Variants in CEP162 observed in about 807,000 individuals in gnomAD.
The protein encoded by CEP162 is centrosomal protein 162.
Under a neutral mutation model 169.2 loss-of-function variants are expected in CEP162, and 141 were observed. The observed-to-expected ratio is 0.83, with a 90% CI of 0.73 to 0.96. CEP162 has a LOEUF of 0.96. CEP162 is among the 40% of genes least tolerant of loss of function. CEP162 has a pLI of 0.00. For synonymous variants in CEP162, 540 were observed against 526.4 expected, an observed-to-expected ratio of 1.03 and a Z score of -0.35; for missense variants, 1,600 against 1,587.2, an observed-to-expected ratio of 1.01 and a Z score of -0.14.
At chr6:84,225,628 A>G (rs2099555408) in intron 2 of CEP162, among the ~76,000 whole-genome samples, 1 of 152,184 alleles carries the variant, frequency 6.6e-6, no homozygotes, top group Non-Finnish European at 1.5e-5. Context: ...ATATAATAGC[A>G]ATGAACGTAG....
In CEP162 at chr6:84,149,681, G is replaced by C; in HGVS notation, c.3652C>G (p.His1218Asp). 6.4e-7 allele frequency: 1 copy of C among 1,565,730 alleles called. No individual in the cohort carries two copies. The highest frequency in any genetic ancestry group is 8.7e-7 in the Non-Finnish European group (1 of 1,155,076). The change falls in exon 24 of 27, where the codon CAC (histidine) becomes GAC (aspartate). Residue 1218 changes from histidine (H) to aspartate (D), a missense_variant. By Grantham distance (81) the His-to-Asp change is moderately conservative. Transcript: ENST00000403245. The part of the protein sequence containing the change: ...MRRVKEDTAA[H>D]IASLKASHQR... ...TGAGATGCTTTGAGGGATGCAATGT[G>C]TGCTGCAGTATCTTCCTTGACCCTA...
intron 21 of CEP162, among the ~76,000 whole-genome samples, chr6:84,156,779 C>A (rs2099523396): frequency 6.6e-6 from 1 of 151,826 alleles, no homozygotes; most frequent in Non-Finnish European, 1.5e-5. Flanking sequence ...CACAAACACA[C>A]TATTCATCCA....
At chr6:84,135,646 T>G (rs747760137) in intron 25 of CEP162, among the ~76,000 whole-genome samples, 25 of 152,172 alleles carry the variant, frequency 1.6e-4, no homozygotes, top group Non-Finnish European at 2.9e-4. Flanking sequence ...GTGAATCACT[T>G]GAGGTCAGGG....
At chr6:84,169,492 A>G in intron 17 of CEP162, 59 bp from the exon 18 acceptor site, 1 of 960,036 alleles carries the variant, frequency 1.0e-6, no homozygotes, top group Non-Finnish European at 1.5e-6. Context: ...TCCTTTCAGT[A>G]GAAAATATTC....
At chr6:84,149,800 GCAAGGGGAAAATGGGCAC>G (rs2099520430) in intron 23 of CEP162, 97 bp from the exon 24 acceptor site, 1 of 1,065,750 alleles carries the variant, frequency 9.4e-7, no homozygotes, top group South Asian at 2.6e-5. Flanking sequence ...TGGGAATTAA[GCAAGGGGAAAATGGGCAC>G]CAATATTAAC....
At chr6:84,191,274 A>C (rs373873503) in intron 11 of CEP162, among the ~76,000 whole-genome samples, 2 of 152,216 alleles carry the variant, frequency 1.3e-5, no homozygotes, top group East Asian at 1.9e-4. Flanking sequence ...CCCTCAACCT[A>C]AAATTCACTT....
chr6:84,180,147 T>C (rs954352646), intron 13 of CEP162, among the ~76,000 whole-genome samples: 5 of 152,114 alleles, frequency 3.3e-5, no homozygotes, highest in Non-Finnish European at 5.9e-5. Context: ...TTATCCACCA[T>C]GATCAGGTGG....
intron 11 of CEP162, among the ~76,000 whole-genome samples, chr6:84,190,251 G>A (rs1016857855): frequency 1.6e-4 from 25 of 152,040 alleles, no homozygotes; most frequent in Non-Finnish European, 3.4e-4. Context: ...TAATCTGATG[G>A]GGACGTGGAG....
At position 84,185,324 on chromosome 6, in the gene CEP162, G is replaced by A; in HGVS notation, c.1526C>T (p.Ser509Leu). ...KRKPQSGLYA[S>L]VRSSGYGKPS... ...TTTGCCATAGCCTGAGCTCCTAACT[G>A]ACGCATATAATCCACTCTGGGGTTT... The change falls in exon 13 of 27, where the codon TCA becomes TTA. Residue 509 changes from serine to leucine, a missense_variant. Transcript: ENST00000403245. 6.2e-7 allele frequency: 1 copy of A among 1,613,660 alleles called. No homozygotes were observed.
chr6:84,133,841 G>A (rs528816445), intron 25 of CEP162, among the ~76,000 whole-genome samples: 7 of 152,124 alleles, frequency 4.6e-5, no homozygotes, highest in Admixed American at 6.5e-5. Flanking sequence ...GCCCTGCTTC[G>A]GCTCACACTC....
chr6:84,157,736 T>C (rs1030627957), intron 21 of CEP162, among the ~76,000 whole-genome samples: 5 of 152,170 alleles, frequency 3.3e-5, no homozygotes, highest in African/African-American at 1.2e-4. Flanking sequence ...CAAAGCTCTC[T>C]CCTCTTTTTT....
chr6:84,152,444 G>T lies in CEP162; in HGVS notation c.3629+101C>A, dbSNP rs1035582323. 5 of 601,700 alleles carry T rather than the reference G, an allele frequency of 8.3e-6. No individual in the cohort carries two copies. In the Admixed American group the frequency reaches 1.8e-4, roughly 22 times the overall value. 37.3% of individuals were successfully genotyped at this position (601,700 alleles called of 1,614,324 possible). On this transcript the variant is annotated intron_variant, in intron 23 of 26. Coordinates refer to ENST00000403245, the MANE Select transcript of CEP162 (RefSeq NM_014895.4). ...TTATTAATATTCACTTATGAATTCA[G>T]TTCGGGGTCAAACTAATTATCTGGA...
At chr6:84,131,169 G>A (rs2099511222) in intron 25 of CEP162, among the ~76,000 whole-genome samples, 1 of 152,184 alleles carries the variant, frequency 6.6e-6, no homozygotes, top group South Asian at 2.1e-4. Flanking sequence ...GCAGTTTTGA[G>A]TGAGTTTTTT....
chr6:84,218,595 A>G (rs752445868), intron 3 of CEP162, among the ~76,000 whole-genome samples: 1 of 152,194 alleles, frequency 6.6e-6, no homozygotes, highest in Non-Finnish European at 1.5e-5. Flanking sequence ...AAGACTGAAA[A>G]TGTGTGCTAT....
chr6:84,195,018 T>A lies in CEP162; in HGVS notation c.893A>T (p.His298Leu). 1 of 1,611,814 alleles carries A rather than the reference T, an allele frequency of 6.2e-7. No homozygotes were observed. Among genetic ancestry groups the A allele is most frequent in the Non-Finnish European group, 8.5e-7 (1 of 1,178,702 alleles). Residue 298 changes from histidine to leucine, a missense_variant, in exon 10 of 27, where the codon CAT becomes CTT. Physicochemically the swap from His to Leu is moderately conservative, Grantham distance 99. Transcript: ENST00000403245. ...DVEALHQAYC[H>L]IAHSLGDEDK... ...TTCATCTCCCAATGAATGGGCTATA[T>A]GACAATAAGCTTGATGTAGGGCTTC... is the stretch of plus-strand genomic sequence containing the variant.
chr6:84,173,822 G>T (rs562005487), intron 16 of CEP162, among the ~76,000 whole-genome samples: 13 of 151,718 alleles, frequency 8.6e-5, no homozygotes, highest in African/African-American at 2.9e-4. Context: ...TAGCTGGGAT[G>T]ACAGGTGTGC....
intron 15 of CEP162, 146 bp downstream of exon 15, chr6:84,174,581 C>T: frequency 1.8e-6 from 1 of 557,530 alleles, no homozygotes; most frequent in Non-Finnish European, 3.1e-6. Context: ...TACGGAATCA[C>T]TCTTGGAACC....
chr6:84,143,949 C>T (rs2099517747), intron 25 of CEP162, among the ~76,000 whole-genome samples: 1 of 151,996 alleles, frequency 6.6e-6, no homozygotes, highest in African/African-American at 2.4e-5. Flanking sequence ...TGAGTTTTCT[C>T]ACTATGCGAC....
intron 25 of CEP162, among the ~76,000 whole-genome samples, chr6:84,144,103 T>C (rs900161074): frequency 6.6e-6 from 1 of 152,034 alleles, no homozygotes; most frequent in Non-Finnish European, 1.5e-5. Flanking sequence ...TATAAATTAT[T>C]TTGACCTCAA....
Sources: allele counts gnomAD v4.1 joint callset (sites outside exome capture counted in the v4.1 genomes callset), GRCh38; gene constraint gnomAD v4.1.1; transcripts MANE v1.5; gene names NCBI Gene and HGNC (gene_info 2026-07-23, HGNC 2026-07-21).